GUF1: variants seen among roughly 807,000 people sequenced by gnomAD.
GUF1 encodes the protein translation factor GUF1, mitochondrial.
GUF1 carries 78 observed loss-of-function variants against 82.4 expected under a neutral mutation model. The observed-to-expected ratio is 0.95, with a 90% CI of 0.79 to 1.14. The LOEUF is 1.14. Ranked by LOEUF, GUF1 falls within the 50% of genes most tolerant of loss-of-function variation. The pLI is 0.00. For missense variants in GUF1, 814 were observed against 798.2 expected, an observed-to-expected ratio of 1.02 and a Z score of -0.24; for synonymous variants, 279 against 282.3, an observed-to-expected ratio of 0.99 and a Z score of 0.12.
rs781185888 is a variant in GUF1, at chr4:44,680,857, A to C, written c.426+15A>C. On this transcript the variant is annotated intron_variant, in intron 3 of 16. Transcript: ENST00000281543. ...TTGATACACCGGTAAGTTTAATATT[A>C]ATTTTGCATGTATTGTTAAAGTCAA... The C allele has an allele frequency of 3.8e-6, 6 of 1,586,780 alleles. No homozygotes were observed. The highest frequency in any genetic ancestry group is 2.3e-5 in the South Asian group (2 of 88,280).
In GUF1 at chr4:44,697,408, T is replaced by G. The variant is rs764776406; in HGVS notation, c.1836T>G (p.Thr612=). The G allele has an allele frequency of 6.4e-7, 1 of 1,558,124 alleles. No individual in the cohort carries two copies. Among genetic ancestry groups the G allele is most frequent in the Non-Finnish European group, 8.8e-7 (1 of 1,140,502 alleles). Residue 612 remains threonine (T), a splice_region_variant and synonymous_variant, in exon 16 of 17, where the codon ACT becomes ACG. Transcript: ENST00000281543. The part of the protein sequence containing the change: ...AIGSKIIARE[T]VKAYRKNVLA... ...TTAAACGAATTTTTCTCTTTTACAGTGTGAAAGCCTATAGGAAAAACGTTT... is the reference window on the plus strand; with the variant it reads ...TTAAACGAATTTTTCTCTTTTACAGGGTGAAAGCCTATAGGAAAAACGTTT...
rs751824748 is a variant in GUF1 at position 44,690,765 on chromosome 4, G to A, written c.1384G>A (p.Asp462Asn). 11 of 1,596,784 alleles carry A rather than the reference G, an allele frequency of 6.9e-6. No individual in the cohort carries two copies. Among genetic ancestry groups the A allele is most frequent in the East Asian group, 2.2e-5 (1 of 44,536 alleles). The change falls in exon 12 of 17, where the codon GAT becomes AAT. Residue 462 changes from aspartate (D) to asparagine (N), a missense_variant. Physicochemically the swap from Asp to Asn is conservative, Grantham distance 23 (BLOSUM62 1). Transcript: ENST00000281543. ...AATTATCAATCCTGCACAATTCCCC[G>A]ATAAATCAAAAGTAACAGAATATTT... Reference protein sequence around the residue: ...ITIINPAQFPDKSKVTEYLEP... With the variant: ...ITIINPAQFPNKSKVTEYLEP...
At chr4:44,680,892 A>G in intron 3 of GUF1, 50 bp downstream of exon 3, 1 of 1,463,748 alleles carries the variant, frequency 6.8e-7, no homozygotes, top group Non-Finnish European at 9.5e-7. Context: ...ACATTGTGTC[A>G]GTAGTGCAAA....
chr4:44,678,724 G>A lies in GUF1; in HGVS notation c.102G>A (p.Pro34=). The A allele has an allele frequency of 6.6e-7, 1 of 1,518,652 alleles. No individual in the cohort carries two copies. Among genetic ancestry groups the A allele is most frequent in the African/African-American group, 1.5e-5 (1 of 68,304 alleles). 94.1% of individuals were successfully genotyped at this position (1,518,652 alleles called of 1,614,324 possible). A position where few individuals can be genotyped will look rare whatever the true frequency, so the allele number is the denominator to read the frequency against. The change falls in exon 1 of 17, where the codon CCG becomes CCA. Residue 34 remains proline, a synonymous_variant. Transcript: ENST00000281543. ...TGGCCCCGGGGCCCCGGTCCGCGCCGACCCTTGGGGCTGCTCCAGAGTCCT... is the reference window on the plus strand; with the variant it reads ...TGGCCCCGGGGCCCCGGTCCGCGCCAACCCTTGGGGCTGCTCCAGAGTCCT... The part of the protein sequence containing the change: ...LLVAPGPRSA[P]TLGAAPESWA...
intron 8 of GUF1, among the ~76,000 whole-genome samples, chr4:44,687,287 T>A (rs1715113906): frequency 6.6e-6 from 1 of 151,984 alleles, no homozygotes. Flanking sequence ...CTGTTCCTTG[T>A]CTGTAGAAAT....
chr4:44,684,135 T>C (rs865804080), intron 6 of GUF1, among the ~76,000 whole-genome samples: 1 of 152,048 alleles, frequency 6.6e-6, no homozygotes, highest in African/African-American at 2.4e-5. Context: ...AACAAAGAAG[T>C]AAGCATAGGA....
chr4:44,682,338 T>C lies in GUF1; in HGVS notation c.512T>C (p.Ile171Thr). Residue 171 changes from isoleucine (I) to threonine (T), a missense_variant, in exon 5 of 17, where the codon ATT (isoleucine) becomes ACT (threonine). By Grantham distance (89) the Ile-to-Thr change is moderately conservative. Coordinates refer to ENST00000281543, the MANE Select transcript of GUF1 (RefSeq NM_021927.3). ...CTTGTATCTTGATATTTTCAGGGAA[T>C]TCAAGCCCAAACTGTAGCAAACTTC... ...VLLVVDANEG[I>T]QAQTVANFFL... 1 of 1,520,782 alleles carries C rather than the reference T, an allele frequency of 6.6e-7. No individual in the cohort carries two copies. The highest frequency in any genetic ancestry group is 8.8e-7 in the Non-Finnish European group (1 of 1,134,264). The allele number at this position is 1,520,782 out of a possible 1,614,324, so 94.2% of individuals were successfully genotyped here.
Position 44,678,857 on chromosome 4 carries a change from T to A in GUF1, c.165+70T>A, listed in dbSNP as rs1039301332. 2.8e-6 allele frequency: 4 copies of A among 1,431,896 alleles called. No individual in the cohort carries two copies. The East Asian group carries it at 1.1e-4, about 38-fold the overall frequency. 88.7% of individuals were successfully genotyped at this position (1,431,896 alleles called of 1,614,324 possible). A position where few individuals can be genotyped will look rare whatever the true frequency, so the allele number is the denominator to read the frequency against. ...GGAGTGCCCCATGCGATCTTGGACA[T>A]GTATAGGGCTTTCTGGGACTAGCTC... is the stretch of plus-strand genomic sequence containing the variant. On this transcript the variant is annotated intron_variant, in intron 1 of 16. Coordinates refer to ENST00000281543, the MANE Select transcript of GUF1 (RefSeq NM_021927.3).
intron 4 of GUF1, 44 bp downstream of exon 4, chr4:44,681,247 T>G: frequency 7.2e-7 from 1 of 1,380,684 alleles, no homozygotes; most frequent in South Asian, 1.2e-5. Flanking sequence ...ACATGACTAT[T>G]TGGTTGTTTC....
intron 5 of GUF1, 146 bp from the exon 6 acceptor site, chr4:44,683,089 T>C (rs1252869882): frequency 9.8e-6 from 5 of 507,866 alleles, no homozygotes; most frequent in Non-Finnish European, 1.7e-5. Context: ...TGCTAATATA[T>C]AGATTATTTT....
chr4:44,689,081 A>C (rs12639842), intron 9 of GUF1, among the ~76,000 whole-genome samples: 33,285 of 151,348 alleles, frequency 0.22, 3,827 homozygotes, highest in Middle Eastern at 0.36. Context: ...ATCTAGTTGT[A>C]TATTCTTTCA....
At chr4:44,689,174 A>T in intron 9 of GUF1, 112 bp from the exon 10 acceptor site, 1 of 941,206 alleles carries the variant, frequency 1.1e-6, no homozygotes, top group Non-Finnish European at 1.4e-6. Flanking sequence ...AAATACAAGA[A>T]AGTAATTTAA....
In GUF1 at chr4:44,686,572, A is replaced by G. The variant is rs1177614052; in HGVS notation, c.797A>G (p.Tyr266Cys). Residue 266 changes from tyrosine (Y) to cysteine (C), a missense_variant, in exon 8 of 17, where the codon TAT (tyrosine) becomes TGT (cysteine). Transcript: ENST00000281543. The stretch of plus-strand genomic sequence containing the variant: ...GTATTTGACTCCACCTTTGACCAGT[A>G]TAGAGGTGTGATAGCCAATGTAGCA... ...ALVFDSTFDQ[Y>C]RGVIANVALF... is the part of the protein sequence containing the mutation. The G allele has an allele frequency of 6.2e-7, 1 of 1,612,546 alleles. No individual in the cohort carries two copies. Among genetic ancestry groups the G allele is most frequent in the Non-Finnish European group, 8.5e-7 (1 of 1,178,858 alleles).
In GUF1 at chr4:44,689,932, C is replaced by T; in HGVS notation, c.1292C>T (p.Thr431Ile). The T allele has an allele frequency of 6.2e-7, 1 of 1,608,084 alleles. No individual in the cohort carries two copies. The highest frequency in any genetic ancestry group is 8.5e-7 in the Non-Finnish European group (1 of 1,175,690). The change falls in exon 11 of 17, where the codon ACT (threonine) becomes ATT (isoleucine). Residue 431 changes from threonine (T) to isoleucine (I), a missense_variant. Transcript: ENST00000281543. ...YNASVILTTPTVPYKAVLSSS... is the reference protein window; with the variant it reads ...YNASVILTTPIVPYKAVLSSS... ...GCTTCTGTTATTTTAACAACCCCTA[C>T]TGTTCCATATAAAGCTGTACTGTCA...
intron 6 of GUF1, 97 bp from the exon 7 acceptor site, chr4:44,685,862 A>T: frequency 4.1e-6 from 3 of 735,862 alleles, no homozygotes; most frequent in Non-Finnish European, 4.6e-6. Flanking sequence ...AACTATTGGA[A>T]TTTTTTTTTC....
intron 8 of GUF1, among the ~76,000 whole-genome samples, chr4:44,687,157 T>A (rs1303526193): frequency 1.3e-5 from 2 of 151,922 alleles, no homozygotes; most frequent in East Asian, 3.9e-4. Flanking sequence ...TTAGCAAGGG[T>A]AGTGTGCATT....
Position 44,697,443 on chromosome 4 carries a change from G to A in GUF1, c.1871G>A (p.Cys624Tyr), listed in dbSNP as rs913197565. 6.5e-6 allele frequency: 10 copies of A among 1,539,978 alleles called. No homozygotes were observed. Among genetic ancestry groups the A allele is most frequent in the Middle Eastern group, 1.7e-4 (1 of 5,914 alleles). Reference protein sequence around the residue: ...KAYRKNVLAKCYGGDITRKMK... With the variant: ...KAYRKNVLAKYYGGDITRKMK... ...TATAGGAAAAACGTTTTGGCAAAAT[G>A]TGTATGTATCTAGTTGTATTTATTC... Residue 624 changes from cysteine to tyrosine, a missense_variant and splice_region_variant, in exon 16 of 17, where the codon TGT (cysteine) becomes TAT (tyrosine). By Grantham distance (194) the Cys-to-Tyr change is radical. Transcript: ENST00000281543.
chr4:44,681,014 G>T (rs1714742434), intron 3 of GUF1, 109 bp from the exon 4 acceptor site: 2 of 1,177,280 alleles, frequency 1.7e-6, no homozygotes, highest in African/African-American at 1.5e-5. Flanking sequence ...CTACAAAAAA[G>T]AAACGAATAT....
chr4:44,679,038 C>T (rs978562870), intron 1 of GUF1, among the ~76,000 whole-genome samples: 1 of 152,142 alleles, frequency 6.6e-6, no homozygotes, highest in Non-Finnish European at 1.5e-5. Context: ...TTTGTTTACG[C>T]GAGCCACTGG....
Sources: gnomAD v4.1 joint callset for allele counts (sites outside exome capture counted in the v4.1 genomes callset) on GRCh38, gnomAD v4.1.1 for gene constraint, MANE v1.5 for transcripts, NCBI Gene and HGNC (gene_info 2026-07-23, HGNC 2026-07-21) for gene names.